AGMO: variants seen among roughly 807,000 people sequenced by gnomAD.
The protein encoded by AGMO is alkylglycerol monooxygenase.
AGMO carries 75 observed loss-of-function variants against 60.2 expected under a neutral mutation model. The ratio of observed to expected loss-of-function variants is 1.25; its 90% CI spans 1.03 to 1.51. The LOEUF (loss-of-function observed/expected upper bound fraction) is 1.51, where lower values mean the gene tolerates loss of function less well. Ranked by LOEUF, AGMO falls within the 40% of genes most tolerant of loss-of-function variation. AGMO has a pLI of 0.00. For synonymous variants in AGMO, 261 were observed against 177.1 expected, an observed-to-expected ratio of 1.47 and a Z score of -3.76; for missense variants, 763 against 525.5, an observed-to-expected ratio of 1.45 and a Z score of -4.42.
At chr7:15,343,773 T>G (rs1781938864) in intron 12 of AGMO, among the ~76,000 whole-genome samples, 1 of 152,134 alleles carries the variant, frequency 6.6e-6, no homozygotes, top group Non-Finnish European at 1.5e-5. Context: ...TGTCTACCTT[T>G]CAAAAGTGAT....
chr7:15,312,771 C>T (rs1408741172), intron 12 of AGMO, among the ~76,000 whole-genome samples: 2 of 151,758 alleles, frequency 1.3e-5, no homozygotes, highest in Non-Finnish European at 2.9e-5. Context: ...GCAACCTCTG[C>T]CTCCTGGGCT....
intron 12 of AGMO, among the ~76,000 whole-genome samples, chr7:15,346,274 T>G (rs778514149): frequency 1.3e-5 from 2 of 152,096 alleles, no homozygotes; most frequent in Non-Finnish European, 2.9e-5. Flanking sequence ...CCAAACCACT[T>G]TTGCTAAGAC....
At chr7:15,418,012 C>A (rs914266628) in intron 5 of AGMO, among the ~76,000 whole-genome samples, 1 of 151,862 alleles carries the variant, frequency 6.6e-6, no homozygotes, top group Non-Finnish European at 1.5e-5. Flanking sequence ...TGAAATGCCA[C>A]GGAAGACTCT....
intron 3 of AGMO, among the ~76,000 whole-genome samples, chr7:15,541,619 G>A (rs1006790508): frequency 1.3e-5 from 2 of 152,030 alleles, no homozygotes; most frequent in African/African-American, 4.8e-5. Context: ...TATATAAAGA[G>A]CATACAGAAC....
At chr7:15,328,621 TAAGG>T (rs1781416306) in intron 12 of AGMO, among the ~76,000 whole-genome samples, 1 of 152,146 alleles carries the variant, frequency 6.6e-6, no homozygotes, top group Non-Finnish European at 1.5e-5. Context: ...AAGCAGCCAT[TAAGG>T]GTTTCAGAGG....
intron 10 of AGMO, among the ~76,000 whole-genome samples, chr7:15,371,620 A>G (rs530764602): frequency 1.3e-5 from 2 of 151,734 alleles, no homozygotes; most frequent in African/African-American, 4.8e-5. Flanking sequence ...TTGGTCTCGA[A>G]CTCCTGACCT....
At chr7:15,338,425 A>G (rs1393118006) in intron 12 of AGMO, among the ~76,000 whole-genome samples, 3 of 151,392 alleles carry the variant, frequency 2.0e-5, no homozygotes, top group Admixed American at 6.6e-5. Context: ...AATTTTGCAG[A>G]TAAGTTTCTG....
intron 12 of AGMO, among the ~76,000 whole-genome samples, chr7:15,224,913 A>G (rs1036012248): frequency 6.6e-6 from 1 of 152,076 alleles, no homozygotes; most frequent in South Asian, 2.1e-4. Flanking sequence ...TCAAATTTTT[A>G]ATTTTTTAAC....
intron 12 of AGMO, among the ~76,000 whole-genome samples, chr7:15,282,603 T>A (rs183825698): frequency 6.6e-6 from 1 of 152,268 alleles, no homozygotes; most frequent in African/African-American, 2.4e-5. Flanking sequence ...GACCTAAAAA[T>A]AACTGGTGTT....
chr7:15,475,921 C>T (rs1361037406), intron 3 of AGMO, among the ~76,000 whole-genome samples: 2 of 152,014 alleles, frequency 1.3e-5, no homozygotes, highest in Non-Finnish European at 2.9e-5. Flanking sequence ...TTTCTGTGAG[C>T]ATCAATTTTC....
intron 12 of AGMO, among the ~76,000 whole-genome samples, chr7:15,243,345 G>A (rs1342159505): frequency 6.6e-6 from 1 of 151,960 alleles, no homozygotes; most frequent in Middle Eastern, 3.4e-3. Flanking sequence ...AGAGCATCCG[G>A]TTAAAATTCA....
rs1563086237 is a variant in AGMO, at chr7:15,322,541, TATATAAATATATATAA to T, written c.1263+42957_1263+42972del. 3.4e-4 allele frequency among the ~76,000 whole-genome samples: 18 copies of T among 53,006 alleles called. 1 individual carries two copies. The highest frequency in any genetic ancestry group is 1.5e-3 in the African/African-American group (17 of 11,184). 34.8% of individuals were successfully genotyped at this position (53,006 alleles called of 152,430 possible). A position where few individuals can be genotyped will look rare whatever the true frequency, so the allele number is the denominator to read the frequency against. On this transcript the variant is annotated intron_variant, in intron 12 of 12. Coordinates refer to ENST00000342526, the MANE Select transcript of AGMO (RefSeq NM_001004320.2). ...AAATATATATAAATATATAAATATA[TATATAAATATATATAA>T]ATATATAAATATATATAAATATATA...
intron 3 of AGMO, among the ~76,000 whole-genome samples, chr7:15,496,959 A>G (rs984159108): frequency 6.6e-6 from 1 of 152,096 alleles, no homozygotes; most frequent in Non-Finnish European, 1.5e-5. Flanking sequence ...CTATTTCTCT[A>G]CTATCCAATC....
chr7:15,363,295 G>C (rs546167044), intron 12 of AGMO, among the ~76,000 whole-genome samples: 49 of 152,158 alleles, frequency 3.2e-4, no homozygotes, highest in African/African-American at 1.2e-3. Flanking sequence ...GCAGGCCAAG[G>C]CCAAATAGTT....
intron 12 of AGMO, among the ~76,000 whole-genome samples, chr7:15,267,333 G>A (rs1258931618): frequency 1.3e-5 from 2 of 151,824 alleles, no homozygotes; most frequent in African/African-American, 4.8e-5. Flanking sequence ...ATGATAGCTA[G>A]TATCAGTATT....
At chr7:15,154,736 T>A in the AGMO span, among the ~76,000 whole-genome samples, 10 of 152,156 alleles carry the variant, frequency 6.6e-5, no homozygotes, top group African/African-American at 2.4e-4. Flanking sequence ...TGGCAGGTAT[T>A]CATCTTTTGT....
chr7:15,530,649 T>C (rs1784286346), intron 3 of AGMO, among the ~76,000 whole-genome samples: 1 of 139,390 alleles, frequency 7.2e-6, no homozygotes, highest in African/African-American at 2.6e-5. Context: ...TCTATATATA[T>C]ATTCTATATA....
intron 3 of AGMO, among the ~76,000 whole-genome samples, chr7:15,495,633 A>C (rs2128522900): frequency 6.6e-6 from 1 of 152,286 alleles, no homozygotes; most frequent in Admixed American, 6.5e-5. Context: ...TGCTGTAACA[A>C]AATACCATAA....
At chr7:15,220,525 T>C (rs998346972) in intron 12 of AGMO, among the ~76,000 whole-genome samples, 1 of 151,916 alleles carries the variant, frequency 6.6e-6, no homozygotes, top group Non-Finnish European at 1.5e-5. Context: ...GCCCTGACTG[T>C]GCTTTAAGGC....
Sources: allele counts gnomAD v4.1 joint callset (sites outside exome capture counted in the v4.1 genomes callset), GRCh38; gene constraint gnomAD v4.1.1; transcripts MANE v1.5; gene names NCBI Gene and HGNC (gene_info 2026-07-23, HGNC 2026-07-21).